Variants in RGS6 observed in about 807,000 individuals in gnomAD.
The protein encoded by RGS6 is regulator of G-protein signaling 6.
Under a neutral mutation model 78.5 loss-of-function variants are expected in RGS6, and 30 were observed. That is an observed-to-expected ratio of 0.38 (90% CI 0.29 to 0.52). RGS6 has a LOEUF of 0.52. Ranked by LOEUF, RGS6 falls within the 20% of genes least tolerant of loss-of-function variation. The probability of loss-of-function intolerance (pLI) is 0.85; values close to 1 mark genes in which losing one functional copy is unlikely to be tolerated. For synonymous variants in RGS6, 206 were observed against 206.0 expected (o/e 1.00, Z 0.00); for missense variants, 495 against 609.7 (o/e 0.81, Z 1.98).
chr14:72,052,951 T>TTC (rs1258764128), intron 2 of RGS6, among the ~76,000 whole-genome samples: 1 of 37,486 alleles, frequency 2.7e-5, no homozygotes. Context: ...CTTTCTTTCT[T>TTC]TCTTTCTTTC....
At chr14:72,524,435 T>C (rs2097093576) in intron 15 of RGS6, among the ~76,000 whole-genome samples, 3 of 152,204 alleles carry the variant, frequency 2.0e-5, no homozygotes, top group African/African-American at 7.2e-5. Flanking sequence ...ACAGGAAGTA[T>C]TGAGAACCTT....
At chr14:71,963,309 T>A (rs1354709480) in intron 1 of RGS6, among the ~76,000 whole-genome samples, 3 of 152,240 alleles carry the variant, frequency 2.0e-5, no homozygotes, top group Non-Finnish European at 4.4e-5. Context: ...CTTATCTCAC[T>A]GTTATCTTTT....
intron 2 of RGS6, among the ~76,000 whole-genome samples, chr14:71,989,104 G>A (rs527767190): frequency 4.6e-5 from 7 of 152,330 alleles, no homozygotes; most frequent in East Asian, 1.9e-4. Context: ...GTCAATTTCT[G>A]CAGGACCCAC....
intron 2 of RGS6, among the ~76,000 whole-genome samples, chr14:72,059,356 A>T (rs1021668113): frequency 6.6e-6 from 1 of 152,224 alleles, no homozygotes; most frequent in Non-Finnish European, 1.5e-5. Context: ...GAAGGGTTTA[A>T]TATGGAACAA....
chr14:72,488,174 C>T (rs1172139066), intron 12 of RGS6, among the ~76,000 whole-genome samples: 1 of 152,248 alleles, frequency 6.6e-6, no homozygotes, highest in East Asian at 1.9e-4. Context: ...TACCACTCAT[C>T]TCTGACACTG....
the RGS6 span, among the ~76,000 whole-genome samples, chr14:72,577,429 T>C: frequency 4.6e-5 from 7 of 152,278 alleles, no homozygotes; most frequent in East Asian, 1.3e-3. Flanking sequence ...GTGCCGACCA[T>C]TTACTCTTTC....
chr14:71,941,219 CCT>C (rs1454360246), intron 1 of RGS6, among the ~76,000 whole-genome samples: 1 of 152,166 alleles, frequency 6.6e-6, no homozygotes, highest in Non-Finnish European at 1.5e-5. Context: ...AAACTCCCTG[CCT>C]CTCATGAGCG....
intron 14 of RGS6, among the ~76,000 whole-genome samples, chr14:72,511,263 G>A (rs2096874829): frequency 6.6e-6 from 1 of 152,196 alleles, no homozygotes; most frequent in African/African-American, 2.4e-5. Flanking sequence ...TCTTAATAAT[G>A]TTTCAATATT....
rs186218484 is a variant in RGS6 at position 72,409,606 on chromosome 14, C to T, written c.185-44922C>T. 5.9e-5 allele frequency among the ~76,000 whole-genome samples: 9 copies of T among 152,034 alleles called. No homozygotes were observed. The East Asian group carries it at 1.7e-3, about 29-fold the overall frequency. On this transcript the variant is annotated intron_variant, in intron 3 of 17. Coordinates refer to ENST00000553525, the MANE Select transcript of RGS6 (RefSeq NM_001204424.2). ...TACTTTAAGTTTTAGGGTACATGTG[C>T]ACAATGTGCAGGTTTGTTACATATG...
chr14:72,305,439 T>C (rs139760362), intron 2 of RGS6, among the ~76,000 whole-genome samples: 1 of 152,356 alleles, frequency 6.6e-6, no homozygotes, highest in African/African-American at 2.4e-5. Context: ...TGAGCAAGTC[T>C]ATCAGTGCCA....
In RGS6 at chr14:72,472,739, G is replaced by A; in HGVS notation, c.537-133G>A. The A allele has an allele frequency of 1.8e-5, 12 of 661,828 alleles. No homozygotes were observed. In the South Asian group the frequency reaches 2.2e-4, roughly 12 times the overall value. The allele number at this position is 661,828 out of a possible 1,614,324, so 41.0% of individuals were successfully genotyped here. A position where few individuals can be genotyped will look rare whatever the true frequency, so the allele number is the denominator to read the frequency against. On this transcript the variant is annotated intron_variant, in intron 8 of 17. Coordinates refer to ENST00000553525, the MANE Select transcript of RGS6 (RefSeq NM_001204424.2). Reference sequence around the variant, plus strand: ...CCCCTATTTCACAGCTCTGCAGAGAGCAGGCACCATGCAGGTACCAATGGC... The same window carrying A: ...CCCCTATTTCACAGCTCTGCAGAGAACAGGCACCATGCAGGTACCAATGGC...
intron 2 of RGS6, among the ~76,000 whole-genome samples, chr14:72,060,525 T>G (rs1433177709): frequency 6.6e-6 from 1 of 152,202 alleles, no homozygotes; most frequent in African/African-American, 2.4e-5. Flanking sequence ...TACCAATGTC[T>G]TTTTAGCTAT....
intron 3 of RGS6, among the ~76,000 whole-genome samples, chr14:72,404,529 T>C (rs2092751694): frequency 6.6e-6 from 1 of 152,196 alleles, no homozygotes; most frequent in Non-Finnish European, 1.5e-5. Flanking sequence ...TGTCCCCAGG[T>C]TGCAAGTCTC....
intron 7 of RGS6, among the ~76,000 whole-genome samples, chr14:72,467,878 T>C (rs1322890041): frequency 6.6e-6 from 1 of 152,130 alleles, no homozygotes; most frequent in African/African-American, 2.4e-5. Flanking sequence ...GTGCGCCCAG[T>C]GCAAGTAGCT....
At chr14:71,915,951 G>A in the RGS6 span, among the ~76,000 whole-genome samples, 1 of 152,202 alleles carries the variant, frequency 6.6e-6, no homozygotes, top group Admixed American at 6.5e-5. Context: ...CAGCAAGAAT[G>A]TGGCCGTCTG....
chr14:72,256,710 C>T (rs1041009132), intron 2 of RGS6, among the ~76,000 whole-genome samples: 7 of 152,120 alleles, frequency 4.6e-5, no homozygotes, highest in African/African-American at 1.7e-4. Flanking sequence ...GTTAGGTTGG[C>T]CTATATCCAG....
chr14:72,013,302 A>C (rs1239094256), intron 2 of RGS6, among the ~76,000 whole-genome samples: 1 of 150,890 alleles, frequency 6.6e-6, no homozygotes, highest in Non-Finnish European at 1.5e-5. Context: ...AAACAACAAC[A>C]ACCATAAAAT....
At chr14:72,516,982 A>G (rs1400275811) in intron 14 of RGS6, 5 of 143,562 alleles carry the variant, frequency 3.5e-5, no homozygotes. Flanking sequence ...GTTGGAGCCC[A>G]GCATTTGGGG....
chr14:72,227,437 G>T (rs1232728804), intron 2 of RGS6, among the ~76,000 whole-genome samples: 2 of 152,072 alleles, frequency 1.3e-5, no homozygotes, highest in Non-Finnish European at 2.9e-5. Context: ...TTAATCTGGA[G>T]ACATCTAAAT....
Sources: allele counts gnomAD v4.1 joint callset (sites outside exome capture counted in the v4.1 genomes callset), GRCh38; gene constraint gnomAD v4.1.1; transcripts MANE v1.5; gene names NCBI Gene and HGNC (gene_info 2026-07-23, HGNC 2026-07-21).